Variants in PCDHGA4 observed in about 807,000 individuals in gnomAD.
The protein encoded by PCDHGA4 is protocadherin gamma subfamily A, 4.
A neutral mutation model predicts 54.6 loss-of-function variants in PCDHGA4; 38 were observed. The observed-to-expected ratio is 0.70, with a 90% CI of 0.54 to 0.91. The LOEUF is 0.91. Among genes scored for constraint, PCDHGA4 ranks in the 40% least tolerant of loss-of-function variants. PCDHGA4 has a pLI of 0.00. For missense variants in PCDHGA4, 1,298 were observed against 1,220.9 expected (o/e 1.06, Z -0.94); for synonymous variants, 511 against 512.9 (o/e 1.00, Z 0.05).
intron 1 of PCDHGA4, chr5:141,370,873 C>T: frequency 6.2e-7 from 1 of 1,614,064 alleles, no homozygotes; most frequent in Non-Finnish European, 8.5e-7. Flanking sequence ...GCGCAAGATC[C>T]TGATGTAGGT....
rs1591273286 is a variant in PCDHGA4, at chr5:141,433,311, T to A, written c.2515-61496T>A. 11 of 870,402 alleles carry A rather than the reference T, an allele frequency of 1.3e-5. No individual in the cohort carries two copies. The East Asian group carries it at 2.9e-4, about 23-fold the overall frequency. 53.9% of individuals were successfully genotyped at this position (870,402 alleles called of 1,614,324 possible). A position where few individuals can be genotyped will look rare whatever the true frequency, so the allele number is the denominator to read the frequency against. On this transcript the variant is annotated intron_variant, in intron 1 of 3. Coordinates refer to ENST00000571252, the MANE Select transcript of PCDHGA4 (RefSeq NM_018917.4). Reference sequence around the variant, plus strand: ...TAGGCTCAAGCAATTATCCCACCTTTGCCTCCGGTGTAACAGGGACTACAG... The same window carrying A: ...TAGGCTCAAGCAATTATCCCACCTTAGCCTCCGGTGTAACAGGGACTACAG...
intron 1 of PCDHGA4, chr5:141,410,177 A>C (rs2095365763): frequency 1.2e-6 from 2 of 1,613,626 alleles, no homozygotes; most frequent in Non-Finnish European, 1.7e-6. Flanking sequence ...TGCCACCGCC[A>C]CGCTTCATCT....
chr5:141,512,241 G>A lies in PCDHGA4; in HGVS notation c.*1068G>A, dbSNP rs533051658. On this transcript the variant is annotated 3_prime_UTR_variant, in exon 4 of 4. Coordinates refer to ENST00000571252, the MANE Select transcript of PCDHGA4 (RefSeq NM_018917.4). ...CCAGGTCCCCTTGAGAGGTCAGAGGGGCCTCTGTGGGTGCTGGGTACTCCA... is the reference window on the plus strand; with the variant it reads ...CCAGGTCCCCTTGAGAGGTCAGAGGAGCCTCTGTGGGTGCTGGGTACTCCA... 1 of 152,866 alleles carries A rather than the reference G, an allele frequency of 6.5e-6. No individual in the cohort carries two copies. The highest frequency in any genetic ancestry group is 2.1e-4 in the South Asian group (1 of 4,824). 9.5% of individuals were successfully genotyped at this position (152,866 alleles called of 1,614,324 possible).
intron 1 of PCDHGA4, among the ~76,000 whole-genome samples, chr5:141,455,776 A>G (rs1386162201): frequency 6.6e-6 from 1 of 152,186 alleles, no homozygotes. Context: ...GGGCTTTAAA[A>G]GAAACTTTTC....
chr5:141,374,994 C>T, intron 1 of PCDHGA4: 1 of 1,614,038 alleles, frequency 6.2e-7, no homozygotes, highest in Non-Finnish European at 8.5e-7. Context: ...ATTTCAACTT[C>T]TGCAAATCTA....
chr5:141,480,413 T>C (rs1478520852), intron 1 of PCDHGA4, among the ~76,000 whole-genome samples: 2 of 135,292 alleles, frequency 1.5e-5, no homozygotes, highest in African/African-American at 3.0e-5. Context: ...AGACCCTGTC[T>C]CAAAAAAAAA....
chr5:141,503,161 T>C (rs1035413931), intron 2 of PCDHGA4, among the ~76,000 whole-genome samples: 3 of 152,054 alleles, frequency 2.0e-5, no homozygotes, highest in Admixed American at 1.3e-4. Context: ...AGTATCACAA[T>C]TGCAATTACT....
At position 141,357,483 on chromosome 5, in the gene PCDHGA4, G is replaced by A. The variant is rs368424779; in HGVS notation, c.2376G>A (p.Ala792=). Residue 792 remains alanine, a synonymous_variant, in exon 1 of 4, where the codon GCG becomes GCA. Coordinates refer to ENST00000571252, the MANE Select transcript of PCDHGA4 (RefSeq NM_018917.4). The stretch of plus-strand genomic sequence containing the variant: ...ATTCCCACGAGGTCTCCCTCACCGC[G>A]GACTCGCGGAAGAGTCACCTGATCT... ...QTYSHEVSLT[A]DSRKSHLIFS... The A allele has an allele frequency of 1.2e-4, 201 of 1,614,194 alleles. No homozygotes were observed. In the African/African-American group the frequency reaches 2.1e-3, roughly 17 times the overall value.
At chr5:141,408,856 G>T in intron 1 of PCDHGA4, 1 of 1,613,518 alleles carries the variant, frequency 6.2e-7, no homozygotes, top group Non-Finnish European at 8.5e-7. Flanking sequence ...TGGACGGAGG[G>T]GACCCACCAA....
In PCDHGA4 at chr5:141,394,367, A is replaced by G. The variant is rs201573539; in HGVS notation, c.2514+36746A>G. 248 of 1,614,150 alleles carry G rather than the reference A, an allele frequency of 1.5e-4. 1 individual carries two copies. Among genetic ancestry groups the G allele is most frequent in the Middle Eastern group, 1.2e-3 (7 of 6,062 alleles). The stretch of plus-strand genomic sequence containing the variant: ...ACACCGGTGTCCTGTATGCGCTGCA[A>G]TCTTTCGACTATGAGCAGATCCGAG... On this transcript the variant is annotated intron_variant, in intron 1 of 3. Coordinates refer to ENST00000571252, the MANE Select transcript of PCDHGA4 (RefSeq NM_018917.4).
chr5:141,421,567 A>G (rs1202908091), intron 1 of PCDHGA4: 27 of 1,613,972 alleles, frequency 1.7e-5, no homozygotes, highest in Non-Finnish European at 2.2e-5. Context: ...CGTGGAAGAC[A>G]CCTTGAAGAT....
At chr5:141,375,418 C>G in intron 1 of PCDHGA4, 1 of 1,613,972 alleles carries the variant, frequency 6.2e-7, no homozygotes, top group Non-Finnish European at 8.5e-7. Context: ...TGGCAGACAC[C>G]AACGACAACC....
intron 1 of PCDHGA4, chr5:141,418,636 C>G (rs564881404): frequency 6.2e-7 from 1 of 1,613,980 alleles, no homozygotes; most frequent in South Asian, 1.1e-5. Context: ...CTCCAGGCAC[C>G]TCCATCCTGA....
Position 141,477,447 on chromosome 5 carries a change from G to T in PCDHGA4, c.2515-17360G>T, listed in dbSNP as rs779097830. The T allele has an allele frequency of 6.2e-7, 1 of 1,614,098 alleles. No homozygotes were observed. Among genetic ancestry groups the T allele is most frequent in the Non-Finnish European group, 8.5e-7 (1 of 1,180,016 alleles). ...TCCCTCTCAGCCCTTACAATAGTGCGTGTTCAAGTGTCCGACATCAATGAC... is the reference window on the plus strand; with the variant it reads ...TCCCTCTCAGCCCTTACAATAGTGCTTGTTCAAGTGTCCGACATCAATGAC... On this transcript the variant is annotated intron_variant, in intron 1 of 3. Coordinates refer to ENST00000571252, the MANE Select transcript of PCDHGA4 (RefSeq NM_018917.4). This position sits in a 1 kb window ranked among gnomAD's most constrained non-coding sequence, Gnocchi z 4.9.
Position 141,356,615 on chromosome 5 carries a change from T to C in PCDHGA4, c.1508T>C (p.Leu503Ser), listed in dbSNP as rs1760275066. 1 of 1,614,194 alleles carries C rather than the reference T, an allele frequency of 6.2e-7. No individual in the cohort carries two copies. Among genetic ancestry groups the C allele is most frequent in the African/African-American group, 1.3e-5 (1 of 75,054 alleles). ...AACAACCCCAGAGGAGCCTCCATCT[T>C]ATCTATGACTGCTCAAGACCCTGAC... ...PENNPRGASI[L>S]SMTAQDPDSG... The change falls in exon 1 of 4, where the codon TTA becomes TCA. Residue 503 changes from leucine (L) to serine (S), a missense_variant. Transcript: ENST00000571252.
At chr5:141,363,540 C>T (rs1762965005) in intron 1 of PCDHGA4, among the ~76,000 whole-genome samples, 1 of 152,204 alleles carries the variant, frequency 6.6e-6, no homozygotes, top group Admixed American at 6.5e-5. Context: ...ACTGGAACTA[C>T]AAATATTTGA....
At chr5:141,499,461 A>G (rs1448103747) in intron 2 of PCDHGA4, among the ~76,000 whole-genome samples, 2 of 152,226 alleles carry the variant, frequency 1.3e-5, no homozygotes. Flanking sequence ...TCATTTTACA[A>G]TCTAGGGAGA....
At chr5:141,366,104 G>A in intron 1 of PCDHGA4, 2 of 1,614,250 alleles carry the variant, frequency 1.2e-6, no homozygotes, top group Non-Finnish European at 1.7e-6. Flanking sequence ...GACCAAGGTG[G>A]TAGCGGTGGA....
intron 1 of PCDHGA4, among the ~76,000 whole-genome samples, chr5:141,449,636 TA>T (rs1448731592): frequency 7.3e-5 from 11 of 150,610 alleles, no homozygotes; most frequent in Non-Finnish European, 1.2e-4. Flanking sequence ...AAGATGTATC[TA>T]TATATACATA....
Sources: gnomAD v4.1 joint callset for allele counts (sites outside exome capture counted in the v4.1 genomes callset) on GRCh38, gnomAD v4.1.1 for gene constraint, Gnocchi (gnomAD v3.1) non-coding constraint, MANE v1.5 for transcripts, NCBI Gene and HGNC (gene_info 2026-07-23, HGNC 2026-07-21) for gene names.